Variants in PDE4B observed in about 807,000 individuals in gnomAD.
PDE4B encodes phosphodiesterase 4B.
PDE4B carries 20 observed loss-of-function variants against 82.2 expected under a neutral mutation model. The observed-to-expected ratio is 0.24, with a 90% CI of 0.17 to 0.35. PDE4B has a LOEUF of 0.35. Among genes scored for constraint, PDE4B ranks in the 10% least tolerant of loss-of-function variants. The pLI is 1.00. For synonymous variants in PDE4B, 320 were observed against 318.9 expected (o/e 1.00, Z -0.04); for missense variants, 655 against 907.2 (o/e 0.72, Z 3.57).
At chr1:66,040,983 C>T (rs552218139) in intron 3 of PDE4B, among the ~76,000 whole-genome samples, 12 of 151,982 alleles carry the variant, frequency 7.9e-5, no homozygotes, top group Non-Finnish European at 1.5e-4. Flanking sequence ...TTTTTAAAAA[C>T]GTTTCAGCCC....
intron 3 of PDE4B, among the ~76,000 whole-genome samples, chr1:66,198,878 G>A (rs1044041511): frequency 1.1e-4 from 16 of 151,144 alleles, no homozygotes; most frequent in Admixed American, 1.3e-4. Flanking sequence ...TTTTGTCCTT[G>A]TGATAGTTTT....
chr1:65,838,475 A>G (rs1264980170), intron 1 of PDE4B, among the ~76,000 whole-genome samples: 1 of 141,408 alleles, frequency 7.1e-6, no homozygotes, highest in East Asian at 2.0e-4. Context: ...GATTGTCACT[A>G]TATATATACG....
intron 3 of PDE4B, among the ~76,000 whole-genome samples, chr1:66,208,109 T>C (rs936745702): frequency 6.6e-6 from 1 of 152,200 alleles, no homozygotes; most frequent in African/African-American, 2.4e-5. Flanking sequence ...ATTAAGTAGC[T>C]TAAGTTGCTA....
At position 66,043,640 on chromosome 1, in the gene PDE4B, C is replaced by T. The variant is rs192115069; in HGVS notation, c.281+124805C>T. Among the ~76,000 whole-genome samples, 262 of 151,774 alleles carry T rather than the reference C, an allele frequency of 1.7e-3. 1 individual carries two copies. Among genetic ancestry groups the T allele is most frequent in the African/African-American group, 5.8e-3 (240 of 41,476 alleles). On this transcript the variant is annotated intron_variant, in intron 3 of 16. Coordinates refer to ENST00000341517, the MANE Select transcript of PDE4B (RefSeq NM_002600.4). ...ATCTGGAATTCTGTCCAAAGACCAACGAAACCATGAAAGTCAAACTTATGC... is the reference window on the plus strand; with the variant it reads ...ATCTGGAATTCTGTCCAAAGACCAATGAAACCATGAAAGTCAAACTTATGC...
chr1:66,172,629 TG>T, intron 3 of PDE4B, among the ~76,000 whole-genome samples: 1 of 152,354 alleles, frequency 6.6e-6, no homozygotes, highest in African/African-American at 2.4e-5. Context: ...TTTGATGTGT[TG>T]ATGATAGTAA....
At chr1:66,092,923 A>G (rs1389248985) in intron 3 of PDE4B, among the ~76,000 whole-genome samples, 1 of 152,124 alleles carries the variant, frequency 6.6e-6, no homozygotes, top group Non-Finnish European at 1.5e-5. Context: ...AAGGATTCCT[A>G]TAGGCCATGT....
intron 3 of PDE4B, among the ~76,000 whole-genome samples, chr1:65,993,546 C>G (rs751008906): frequency 6.6e-6 from 1 of 152,004 alleles, no homozygotes; most frequent in East Asian, 1.9e-4. Flanking sequence ...GTGTTTTAAT[C>G]TTAGTTCTAA....
chr1:65,967,496 G>A (rs1398462903), intron 3 of PDE4B, among the ~76,000 whole-genome samples: 1 of 152,118 alleles, frequency 6.6e-6, no homozygotes, highest in Non-Finnish European at 1.5e-5. Flanking sequence ...CAAGGATCTA[G>A]AACTAGAAAT....
At chr1:66,218,294 T>C (rs1269502079) in intron 3 of PDE4B, among the ~76,000 whole-genome samples, 2 of 152,068 alleles carry the variant, frequency 1.3e-5, no homozygotes, top group Non-Finnish European at 2.9e-5. Flanking sequence ...TGTCATGAAG[T>C]CCAAGGACAG....
At chr1:65,858,295 A>G (rs1440314947) in intron 1 of PDE4B, among the ~76,000 whole-genome samples, 1 of 152,178 alleles carries the variant, frequency 6.6e-6, no homozygotes, top group East Asian at 1.9e-4. Flanking sequence ...CTTATTATAA[A>G]TGGTGGTTAG....
chr1:66,258,568 G>T (rs1224331812), intron 6 of PDE4B, among the ~76,000 whole-genome samples: 1 of 152,154 alleles, frequency 6.6e-6, no homozygotes, highest in Non-Finnish European at 1.5e-5. Context: ...CGTGATCCTG[G>T]AATGAGAGGA....
intron 3 of PDE4B, among the ~76,000 whole-genome samples, chr1:66,235,289 G>A (rs1212211219): frequency 1.3e-5 from 2 of 152,012 alleles, no homozygotes; most frequent in Non-Finnish European, 2.9e-5. Context: ...CTGTCTATTT[G>A]TTCCATCAAT....
intron 3 of PDE4B, among the ~76,000 whole-genome samples, chr1:66,210,617 A>AG (rs1273600806): frequency 1.7e-4 from 25 of 148,578 alleles, no homozygotes; most frequent in African/African-American, 6.2e-4. Flanking sequence ...AAAAAAAAAA[A>AG]AAGAAAAAGG....
At chr1:66,024,500 C>T (rs973212984) in intron 3 of PDE4B, among the ~76,000 whole-genome samples, 1 of 152,098 alleles carries the variant, frequency 6.6e-6, no homozygotes, top group South Asian at 2.1e-4. Context: ...TAGAATTTGT[C>T]CCTATGACTT....
chr1:66,288,398 G>A (rs541622890), intron 7 of PDE4B, among the ~76,000 whole-genome samples: 1 of 152,108 alleles, frequency 6.6e-6, no homozygotes, highest in South Asian at 2.1e-4. Flanking sequence ...GAGTTAGGTG[G>A]GACATCCAAA....
intron 1 of PDE4B, among the ~76,000 whole-genome samples, chr1:65,813,928 T>G (rs1239982394): frequency 1.4e-5 from 2 of 147,100 alleles, no homozygotes; most frequent in Non-Finnish European, 3.0e-5. Flanking sequence ...AGTTGAGAGA[T>G]CTGGAATATA....
chr1:66,213,523 C>T (rs967799240), intron 3 of PDE4B, among the ~76,000 whole-genome samples: 1 of 152,148 alleles, frequency 6.6e-6, no homozygotes, highest in East Asian at 1.9e-4. Context: ...ACTGCAAAAT[C>T]GTAGGCTACA....
chr1:66,293,653 T>A (rs1202946340), intron 7 of PDE4B, among the ~76,000 whole-genome samples: 1 of 152,208 alleles, frequency 6.6e-6, no homozygotes, highest in Non-Finnish European at 1.5e-5. Flanking sequence ...TTACATAGTT[T>A]ATTAAAGCAT....
intron 7 of PDE4B, among the ~76,000 whole-genome samples, chr1:66,277,101 CTT>C (rs1182161331): frequency 1.3e-5 from 2 of 152,100 alleles, no homozygotes; most frequent in Non-Finnish European, 2.9e-5. Context: ...AAATAAATGA[CTT>C]TAAACTGGAG....
Sources: gnomAD v4.1 joint callset for allele counts (sites outside exome capture counted in the v4.1 genomes callset) on GRCh38, gnomAD v4.1.1 for gene constraint, MANE v1.5 for transcripts, NCBI Gene and HGNC (gene_info 2026-07-23, HGNC 2026-07-21) for gene names.